Variants in ARHGAP42 observed in about 807,000 individuals in gnomAD.
The protein encoded by ARHGAP42 is rho GTPase-activating protein 42.
Under a neutral mutation model 125.0 loss-of-function variants are expected in ARHGAP42, and 63 were observed. The observed-to-expected ratio is 0.50, with a 90% CI of 0.41 to 0.62. The LOEUF (loss-of-function observed/expected upper bound fraction) is 0.62, where lower values mean the gene tolerates loss of function less well. Among genes scored for constraint, ARHGAP42 ranks in the 20% least tolerant of loss-of-function variants. The pLI is 0.00. For synonymous variants in ARHGAP42, 339 were observed against 351.0 expected (o/e 0.97, Z 0.38); for missense variants, 766 against 1,024.2 (o/e 0.75, Z 3.44).
intron 22 of ARHGAP42, among the ~76,000 whole-genome samples, chr11:100,983,385 G>A (rs1451674447): frequency 6.6e-6 from 1 of 152,040 alleles, no homozygotes; most frequent in African/African-American, 2.4e-5. Flanking sequence ...TAAATGAATT[G>A]TCATATACAT....
chr11:100,750,595 C>T (rs1003065155), intron 1 of ARHGAP42, among the ~76,000 whole-genome samples: 2 of 149,948 alleles, frequency 1.3e-5, no homozygotes, highest in Admixed American at 1.3e-4. Flanking sequence ...AGGGTTAGAC[C>T]GCACAGGCTA....
chr11:100,895,927 G>T (rs1300650423), intron 4 of ARHGAP42, among the ~76,000 whole-genome samples: 1 of 151,988 alleles, frequency 6.6e-6, no homozygotes, highest in Admixed American at 6.6e-5. Context: ...TGCCATGTTG[G>T]TTTGCTGCAC....
At chr11:100,953,662 A>C (rs1857723190) in intron 12 of ARHGAP42, among the ~76,000 whole-genome samples, 1 of 152,272 alleles carries the variant, frequency 6.6e-6, no homozygotes, top group Non-Finnish European at 1.5e-5. Context: ...TTAATTTACC[A>C]TTTTCAAAGT....
intron 22 of ARHGAP42, among the ~76,000 whole-genome samples, chr11:100,983,979 G>A (rs549860092): frequency 4.6e-5 from 7 of 152,056 alleles, no homozygotes; most frequent in Non-Finnish European, 1.0e-4. Flanking sequence ...TAATTGGCAC[G>A]GTGGTGTGCA....
intron 1 of ARHGAP42, among the ~76,000 whole-genome samples, chr11:100,698,923 TGCTAAG>T (rs1429354274): frequency 3.3e-5 from 5 of 152,216 alleles, no homozygotes; most frequent in African/African-American, 9.6e-5. Flanking sequence ...GGGTGACTTT[TGCTAAG>T]GCTATTACTT....
intron 8 of ARHGAP42, among the ~76,000 whole-genome samples, chr11:100,937,241 C>T (rs1257147238): frequency 6.6e-6 from 1 of 152,126 alleles, no homozygotes; most frequent in Non-Finnish European, 1.5e-5. Flanking sequence ...TAACTACCTA[C>T]CTTGGCCAGT....
chr11:100,858,059 G>A (rs1232462826), intron 3 of ARHGAP42, among the ~76,000 whole-genome samples: 1 of 149,130 alleles, frequency 6.7e-6, no homozygotes, highest in Non-Finnish European at 1.5e-5. Flanking sequence ...AGTCAGCTAT[G>A]TGTCGCATCT....
chr11:100,946,598 G>T (rs558802459), intron 10 of ARHGAP42, among the ~76,000 whole-genome samples: 1 of 152,036 alleles, frequency 6.6e-6, no homozygotes, highest in Non-Finnish European at 1.5e-5. Flanking sequence ...GAATAGGGAA[G>T]CTAAGGGGAG....
At chr11:100,717,967 A>C (rs1359440603) in intron 1 of ARHGAP42, among the ~76,000 whole-genome samples, 2 of 152,108 alleles carry the variant, frequency 1.3e-5, no homozygotes, top group Non-Finnish European at 2.9e-5. Flanking sequence ...AGTGTATTAA[A>C]GGCAAATGCT....
At chr11:100,880,772 T>C (rs1865941430) in intron 4 of ARHGAP42, among the ~76,000 whole-genome samples, 1 of 152,214 alleles carries the variant, frequency 6.6e-6, no homozygotes, top group Non-Finnish European at 1.5e-5. Flanking sequence ...TTTTTTGATT[T>C]TTTGATTGTG....
chr11:100,929,060 A>G (rs1232319079), intron 6 of ARHGAP42, among the ~76,000 whole-genome samples: 2 of 152,196 alleles, frequency 1.3e-5, no homozygotes, highest in Non-Finnish European at 2.9e-5. Flanking sequence ...GTTATAAACC[A>G]GCGGTCCCCA....
rs560453193 is a variant in ARHGAP42 at position 100,844,812 on chromosome 11, G to A, written c.313-14742G>A. 3.3e-5 allele frequency among the ~76,000 whole-genome samples: 5 copies of A among 152,242 alleles called. No individual in the cohort carries two copies. In the South Asian group the frequency reaches 1.0e-3, roughly 32 times the overall value. On this transcript the variant is annotated intron_variant, in intron 3 of 23. Coordinates refer to ENST00000298815, the MANE Select transcript of ARHGAP42 (RefSeq NM_152432.4). ...TAGTAGATGTTGATTTGGATGCAGT[G>A]AACAGGGAACACTTCTACACTGCTG...
intron 3 of ARHGAP42, among the ~76,000 whole-genome samples, chr11:100,848,674 A>G (rs1250610323): frequency 6.6e-6 from 1 of 151,264 alleles, no homozygotes; most frequent in Non-Finnish European, 1.5e-5. Flanking sequence ...TGGCTATTTT[A>G]TTTTTATTTT....
At chr11:100,773,130 C>A (rs1487653567) in intron 2 of ARHGAP42, among the ~76,000 whole-genome samples, 1 of 152,222 alleles carries the variant, frequency 6.6e-6, no homozygotes, top group East Asian at 1.9e-4. Flanking sequence ...AATCACCATG[C>A]CCAGCCTTCA....
chr11:100,855,029 ATTGT>A (rs1865294121), intron 3 of ARHGAP42, among the ~76,000 whole-genome samples: 1 of 152,120 alleles, frequency 6.6e-6, no homozygotes, highest in Non-Finnish European at 1.5e-5. Flanking sequence ...CTTTGTATTG[ATTGT>A]TTATATTGAC....
intron 3 of ARHGAP42, among the ~76,000 whole-genome samples, chr11:100,836,227 T>A (rs563100286): frequency 1.3e-5 from 2 of 152,224 alleles, no homozygotes; most frequent in South Asian, 4.1e-4. Context: ...AAAAACCTTT[T>A]CCTAAAATGT....
In ARHGAP42 at chr11:100,890,204, C is replaced by T. The variant is rs899447488; in HGVS notation, c.385-23248C>T. On this transcript the variant is annotated intron_variant, in intron 4 of 23. Coordinates refer to ENST00000298815, the MANE Select transcript of ARHGAP42 (RefSeq NM_152432.4). ...TTTGAAGGTCCACGTTTCTGCCTCT[C>T]GAGATGTCCCTCCATGGTCTAAAAC... Among the ~76,000 whole-genome samples the T allele has an allele frequency of 9.9e-5, 15 of 152,254 alleles. No homozygotes were observed. The East Asian group carries it at 1.5e-3, about 16-fold the overall frequency.
chr11:100,892,797 C>T (rs201719144), intron 4 of ARHGAP42, among the ~76,000 whole-genome samples: 1 of 152,088 alleles, frequency 6.6e-6, no homozygotes, highest in Non-Finnish European at 1.5e-5. Context: ...GGAAGAAGAC[C>T]CTTGGCTCAC....
At chr11:100,774,418 G>T (rs957418705) in intron 2 of ARHGAP42, among the ~76,000 whole-genome samples, 1 of 152,174 alleles carries the variant, frequency 6.6e-6, no homozygotes, top group Non-Finnish European at 1.5e-5. Flanking sequence ...GAGGAATGAG[G>T]TAGGGACAGC....
Sources: allele counts gnomAD v4.1 joint callset (sites outside exome capture counted in the v4.1 genomes callset), GRCh38; gene constraint gnomAD v4.1.1; transcripts MANE v1.5; gene names NCBI Gene and HGNC (gene_info 2026-07-23, HGNC 2026-07-21).